Variants in SNRK observed in about 807,000 individuals in gnomAD.
SNRK encodes SNF-related serine/threonine-protein kinase.
Under a neutral mutation model 48.2 loss-of-function variants are expected in SNRK, and 3 were observed. That is an observed-to-expected ratio of 0.06 (90% CI 0.03 to 0.16). The LOEUF (loss-of-function observed/expected upper bound fraction) is 0.16. Among genes scored for constraint, SNRK ranks in the 10% least tolerant of loss-of-function variants. The pLI is 1.00. For synonymous variants in SNRK, 376 were observed against 366.1 expected, an observed-to-expected ratio of 1.03 and a Z score of -0.31; for missense variants, 627 against 976.0, an observed-to-expected ratio of 0.64 and a Z score of 4.76.
intron 3 of SNRK, among the ~76,000 whole-genome samples, chr3:43,315,814 G>C (rs2091009522): frequency 6.6e-6 from 1 of 152,208 alleles, no homozygotes; most frequent in African/African-American, 2.4e-5. Context: ...CCATAGAAAT[G>C]TAGCACACAC....
At chr3:43,341,888 A>C (rs2091240799) in intron 5 of SNRK, among the ~76,000 whole-genome samples, 1 of 152,208 alleles carries the variant, frequency 6.6e-6, no homozygotes, top group Admixed American at 6.5e-5. Flanking sequence ...CCAGGTTCTT[A>C]ATTTTGGTTT....
intron 6 of SNRK, among the ~76,000 whole-genome samples, chr3:43,344,955 A>G (rs2091264300): frequency 6.6e-6 from 1 of 152,186 alleles, no homozygotes; most frequent in African/African-American, 2.4e-5. Context: ...AGCTGATTGT[A>G]TATGTGAGAC....
In SNRK at chr3:43,314,507, A is replaced by G. The variant is rs575335080; in HGVS notation, c.589+10715A>G. Among the ~76,000 whole-genome samples the G allele has an allele frequency of 2.6e-5, 4 of 152,308 alleles. No homozygotes were observed. The South Asian group carries it at 6.2e-4, about 24-fold the overall frequency. ...CATATTCAAGCCAAGAGTTGTACTT[A>G]AGACTGTCATTTCTTTCTGTCTACC... On this transcript the variant is annotated intron_variant, in intron 3 of 6. Coordinates refer to ENST00000296088, the MANE Select transcript of SNRK (RefSeq NM_017719.5).
At position 43,303,806 on chromosome 3, in the gene SNRK, G is replaced by A. The variant is rs777540930; in HGVS notation, c.589+14G>A. 11 of 1,572,646 alleles carry A rather than the reference G, an allele frequency of 7.0e-6. No individual in the cohort carries two copies. The highest frequency in any genetic ancestry group is 1.7e-4 in the Middle Eastern group (1 of 5,930). On this transcript the variant is annotated intron_variant, in intron 3 of 6. Transcript: ENST00000296088. The surrounding 1 kb of genome is among the most constrained non-coding windows in gnomAD (Gnocchi z 6.2). The stretch of plus-strand genomic sequence containing the variant: ...CACCTGCAGTAGGTAGGTAACCTCG[G>A]TCCAGTATTTGGCCATTTGAATTCT...
At chr3:43,336,481 G>A (rs1428873949) in intron 4 of SNRK, among the ~76,000 whole-genome samples, 1 of 152,072 alleles carries the variant, frequency 6.6e-6, no homozygotes, top group Middle Eastern at 3.2e-3. Flanking sequence ...ACAGGTGTGT[G>A]CCACCATGCC....
chr3:43,316,601 T>C (rs1334017340), intron 3 of SNRK, among the ~76,000 whole-genome samples: 2 of 152,186 alleles, frequency 1.3e-5, no homozygotes, highest in Non-Finnish European at 2.9e-5. Flanking sequence ...TATTTCTTTT[T>C]TGATGTTGAT....
intron 4 of SNRK, chr3:43,333,416 A>G (rs1166069602): frequency 2.0e-5 from 3 of 151,352 alleles, no homozygotes; most frequent in Non-Finnish European, 4.4e-5. Flanking sequence ...TCTGGATTCA[A>G]ATATTGACTT....
At chr3:43,329,270 C>G (rs539186778) in intron 3 of SNRK, among the ~76,000 whole-genome samples, 226 of 152,130 alleles carry the variant, frequency 1.5e-3, no homozygotes, top group East Asian at 2.7e-3. Flanking sequence ...AACCTCGTCT[C>G]AACTAAAAAT....
chr3:43,288,098 T>C (rs2090780134), intron 1 of SNRK, among the ~76,000 whole-genome samples: 1 of 152,216 alleles, frequency 6.6e-6, no homozygotes, highest in Non-Finnish European at 1.5e-5. Context: ...TTTACAGAAC[T>C]AGAAATGAGA....
chr3:43,312,795 C>G (rs2090988041), intron 3 of SNRK, among the ~76,000 whole-genome samples: 1 of 152,088 alleles, frequency 6.6e-6, no homozygotes, highest in South Asian at 2.1e-4. Flanking sequence ...CTTTTCTGTA[C>G]TGATAATGAA....
chr3:43,331,181 C>T (rs1458018721), intron 3 of SNRK, among the ~76,000 whole-genome samples: 2 of 152,094 alleles, frequency 1.3e-5, no homozygotes, highest in African/African-American at 4.8e-5. Context: ...TTCTTGAATT[C>T]GTTTCTTATT....
chr3:43,340,879 G>C (rs1403953873), intron 5 of SNRK, among the ~76,000 whole-genome samples: 1 of 152,204 alleles, frequency 6.6e-6, no homozygotes. Context: ...CCTGCCTAGA[G>C]TCCTCTAAGT....
chr3:43,348,215 C>G lies in SNRK; in HGVS notation c.1956C>G (p.Leu652=). The G allele has an allele frequency of 1.2e-6, 2 of 1,610,524 alleles. No individual in the cohort carries two copies. The highest frequency in any genetic ancestry group is 8.5e-7 in the Non-Finnish European group (1 of 1,178,268). Residue 652 remains leucine, a synonymous_variant, in exon 7 of 7, where the codon CTC becomes CTG. Transcript: ENST00000296088. ...ELVESLKLMS[L]CLGSQLHGST... is the part of the protein sequence containing the mutation. ...TTGAGAGCCTCAAACTCATGAGCCT[C>G]TGCCTCGGCTCCCAGCTTCATGGGA...
At chr3:43,329,953 G>A (rs1010708077) in intron 3 of SNRK, among the ~76,000 whole-genome samples, 17 of 152,142 alleles carry the variant, frequency 1.1e-4, no homozygotes, top group African/African-American at 4.1e-4. Context: ...TGCACTATCA[G>A]ATATCCAGTT....
At chr3:43,317,533 C>T (rs1158707278) in intron 3 of SNRK, among the ~76,000 whole-genome samples, 1 of 152,206 alleles carries the variant, frequency 6.6e-6, no homozygotes, top group Non-Finnish European at 1.5e-5. Flanking sequence ...CCTTCCATTT[C>T]AGTCTGAATC....
intron 3 of SNRK, among the ~76,000 whole-genome samples, chr3:43,309,156 T>A (rs2090959766): frequency 6.6e-6 from 1 of 152,202 alleles, no homozygotes; most frequent in Non-Finnish European, 1.5e-5. Context: ...AAAGTGTTTT[T>A]TTTTAGTTGT....
chr3:43,301,202 AACAT>A (rs757077829), intron 2 of SNRK, among the ~76,000 whole-genome samples: 21 of 152,374 alleles, frequency 1.4e-4, no homozygotes, highest in Admixed American at 3.3e-4. Context: ...CTTATAATTT[AACAT>A]ACATAAATTT....
chr3:43,325,682 C>A (rs553467722), intron 3 of SNRK, among the ~76,000 whole-genome samples: 2 of 152,056 alleles, frequency 1.3e-5, no homozygotes, highest in African/African-American at 2.4e-5. Context: ...TCGAAGTTAA[C>A]CATATAATAA....
intron 1 of SNRK, 23 bp from the exon 2 acceptor site, chr3:43,299,731 T>C (rs988979847): frequency 6.5e-6 from 1 of 152,672 alleles, no homozygotes; most frequent in Non-Finnish European, 1.5e-5. Context: ...TAAACCTGTA[T>C]CTTTTTCTTT....
Sources: allele counts gnomAD v4.1 joint callset (sites outside exome capture counted in the v4.1 genomes callset), GRCh38; gene constraint gnomAD v4.1.1; non-coding constraint Gnocchi (gnomAD v3.1); transcripts MANE v1.5; gene names NCBI Gene and HGNC (gene_info 2026-07-23, HGNC 2026-07-21).